DPP10: variants seen among roughly 807,000 people sequenced by gnomAD.
DPP10 encodes inactive dipeptidyl peptidase 10.
Under a neutral mutation model 120.9 loss-of-function variants are expected in DPP10, and 33 were observed. The observed-to-expected ratio is 0.27, with a 90% confidence interval of 0.21 to 0.37. DPP10 has a LOEUF of 0.37. Ranked by LOEUF, DPP10 falls within the 10% of genes least tolerant of loss-of-function variation. DPP10 has a pLI of 1.00. For missense variants in DPP10, 816 were observed against 942.8 expected (o/e 0.87, Z 1.76); for synonymous variants, 337 against 326.1 (o/e 1.03, Z -0.36).
chr2:115,162,233 G>T (rs898936564), intron 1 of DPP10: 1 of 1,562,096 alleles, frequency 6.4e-7, no homozygotes, highest in Non-Finnish European at 8.7e-7. Flanking sequence ...CCGGCGAGAG[G>T]ATGCGCAAGG....
intron 1 of DPP10, among the ~76,000 whole-genome samples, chr2:115,247,625 G>C (rs993467694): frequency 6.6e-6 from 1 of 152,040 alleles, no homozygotes; most frequent in African/African-American, 2.4e-5. Context: ...CATTACTCTT[G>C]CCCCAAGAGA....
chr2:115,540,579 A>T (rs1288969292), intron 5 of DPP10, among the ~76,000 whole-genome samples: 4 of 151,906 alleles, frequency 2.6e-5, no homozygotes, highest in African/African-American at 9.7e-5. Flanking sequence ...GTGAATTTTG[A>T]TCTTCATAAA....
chr2:115,804,703 C>T (rs1235909674), intron 19 of DPP10, among the ~76,000 whole-genome samples: 1 of 152,214 alleles, frequency 6.6e-6, no homozygotes, highest in African/African-American at 2.4e-5. Context: ...CCACTCCAGA[C>T]CCTGTTTGCC....
intron 3 of DPP10, among the ~76,000 whole-genome samples, chr2:115,395,285 A>C (rs1044545218): frequency 6.6e-6 from 1 of 152,194 alleles, no homozygotes; most frequent in East Asian, 1.9e-4. Context: ...TACGTGTATA[A>C]ATTTCCTCTT....
chr2:115,645,724 C>T lies in DPP10; in HGVS notation c.442-43963C>T, dbSNP rs562534022. On this transcript the variant is annotated intron_variant, in intron 5 of 25. Coordinates refer to ENST00000410059, the MANE Select transcript of DPP10 (RefSeq NM_020868.6). ...ACCATTAAGTTCTTAGGCACATTTG[C>T]AAAAATGACTCATTATATAACATGC... Among the ~76,000 whole-genome samples the T allele has an allele frequency of 5.9e-5, 9 of 152,082 alleles. No homozygotes were observed. The South Asian group carries it at 8.3e-4, about 14-fold the overall frequency.
intron 1 of DPP10, among the ~76,000 whole-genome samples, chr2:115,101,986 CAT>C (rs2048711684): frequency 6.6e-6 from 1 of 152,218 alleles, no homozygotes; most frequent in Admixed American, 6.5e-5. Flanking sequence ...AGGAAGTTAA[CAT>C]AGAGTTACAT....
At chr2:114,543,609 A>G (rs1421686533) in intron 1 of DPP10, among the ~76,000 whole-genome samples, 1 of 152,180 alleles carries the variant, frequency 6.6e-6, no homozygotes, top group Non-Finnish European at 1.5e-5. Context: ...AAGCCAACAA[A>G]AGATAAGGTC....
intron 4 of DPP10, among the ~76,000 whole-genome samples, chr2:115,520,981 G>A (rs1347299888): frequency 3.9e-5 from 6 of 152,164 alleles, no homozygotes; most frequent in Non-Finnish European, 8.8e-5. Context: ...GTGATCAATG[G>A]TTAGATGAAC....
chr2:115,361,869 C>T (rs2064790860), intron 3 of DPP10, among the ~76,000 whole-genome samples: 1 of 152,008 alleles, frequency 6.6e-6, no homozygotes, highest in African/African-American at 2.4e-5. Context: ...TTTGGTTTCT[C>T]TTGGTTGGAG....
intron 1 of DPP10, among the ~76,000 whole-genome samples, chr2:114,689,884 GAGAAGTGTCTGTTCATGTCCTTTGCCCAC>G (rs1559006243): frequency 2.6e-5 from 4 of 151,782 alleles, no homozygotes; most frequent in African/African-American, 9.7e-5. Context: ...GTCTTCTTTT[GAGAAGTGTCTGTTCATGTCCTTTGCCCAC>G]TTTTTTTAAT....
chr2:114,744,149 C>A (rs539702480), intron 1 of DPP10, among the ~76,000 whole-genome samples: 3 of 152,086 alleles, frequency 2.0e-5, no homozygotes, highest in Non-Finnish European at 4.4e-5. Flanking sequence ...GAGTAGAGGA[C>A]ACAGTGATTG....
intron 1 of DPP10, among the ~76,000 whole-genome samples, chr2:114,811,948 C>T (rs574656323): frequency 6.6e-6 from 1 of 152,324 alleles, no homozygotes; most frequent in African/African-American, 2.4e-5. Flanking sequence ...CCTTGTATCT[C>T]TGCTCTGTAT....
intron 1 of DPP10, among the ~76,000 whole-genome samples, chr2:114,453,267 T>C (rs934117420): frequency 6.6e-6 from 1 of 152,180 alleles, no homozygotes; most frequent in Non-Finnish European, 1.5e-5. Context: ...AATATAACAT[T>C]GTCCCCGATT....
At chr2:115,142,221 C>T (rs1423068490) in intron 1 of DPP10, among the ~76,000 whole-genome samples, 2 of 152,134 alleles carry the variant, frequency 1.3e-5, no homozygotes, top group African/African-American at 4.8e-5. Flanking sequence ...TATTCAACTG[C>T]CTATAATCCA....
intron 1 of DPP10, among the ~76,000 whole-genome samples, chr2:115,245,257 A>G (rs749314547): frequency 6.6e-6 from 1 of 152,052 alleles, no homozygotes; most frequent in Non-Finnish European, 1.5e-5. Flanking sequence ...ATGGGCATTT[A>G]GGCTGGTTCG....
At chr2:114,962,440 A>G (rs1297458102) in intron 1 of DPP10, among the ~76,000 whole-genome samples, 1 of 152,186 alleles carries the variant, frequency 6.6e-6, no homozygotes, top group Admixed American at 6.5e-5. Flanking sequence ...GGGGTTGTAC[A>G]TGTGATATCT....
intron 21 of DPP10, among the ~76,000 whole-genome samples, chr2:115,835,633 T>G (rs1689403841): frequency 6.6e-6 from 1 of 152,206 alleles, no homozygotes; most frequent in Admixed American, 6.5e-5. Flanking sequence ...TGAAATAGTC[T>G]GAGTGCAGCC....
intron 1 of DPP10, among the ~76,000 whole-genome samples, chr2:115,031,837 C>G (rs1703862380): frequency 6.6e-6 from 1 of 152,058 alleles, no homozygotes; most frequent in Admixed American, 6.5e-5. Context: ...ATGTGTTCTG[C>G]TTTTGTATAG....
intron 5 of DPP10, among the ~76,000 whole-genome samples, chr2:115,537,687 T>G (rs1440977410): frequency 1.3e-5 from 2 of 150,710 alleles, no homozygotes; most frequent in Admixed American, 1.3e-4. Flanking sequence ...GGTCACCTAA[T>G]AATGACGCAC....
Sources: gnomAD v4.1 joint callset for allele counts (sites outside exome capture counted in the v4.1 genomes callset) on GRCh38, gnomAD v4.1.1 for gene constraint, MANE v1.5 for transcripts, NCBI Gene and HGNC (gene_info 2026-07-23, HGNC 2026-07-21) for gene names.